Variants in NRXN3 observed in about 807,000 individuals in gnomAD.
NRXN3 encodes neurexin 3.
Under a neutral mutation model 137.6 loss-of-function variants are expected in NRXN3, and 32 were observed. The ratio of observed to expected loss-of-function variants is 0.23; its 90% confidence interval spans 0.18 to 0.31. The LOEUF (loss-of-function observed/expected upper bound fraction) is 0.31. NRXN3 is among the 10% of genes least tolerant of loss of function. The probability of loss-of-function intolerance (pLI) is 1.00; values close to 1 mark genes in which losing one functional copy is unlikely to be tolerated. For missense variants in NRXN3, 1,574 were observed against 2,062.5 expected (o/e 0.76, Z 4.59); for synonymous variants, 798 against 784.5 (o/e 1.02, Z -0.29).
At chr14:79,854,189 G>A in intron 20 of NRXN3, 3 of 976,952 alleles carry the variant, frequency 3.1e-6, no homozygotes, top group Non-Finnish European at 3.7e-6. Context: ...TTTCTTTCAT[G>A]CCAAAAAACA....
At chr14:79,445,338 CAAA>C (rs374678294) in intron 15 of NRXN3, among the ~76,000 whole-genome samples, 2 of 130,472 alleles carry the variant, frequency 1.5e-5, no homozygotes, top group Non-Finnish European at 3.3e-5. Flanking sequence ...GACCCCATCT[CAAA>C]AAAAAAAAGA....
chr14:79,678,423 A>G (rs1364993735), intron 17 of NRXN3, among the ~76,000 whole-genome samples: 2 of 152,194 alleles, frequency 1.3e-5, no homozygotes, highest in Non-Finnish European at 2.9e-5. Flanking sequence ...CCATTATTCA[A>G]TCAGACCAAG....
chr14:78,800,119 C>T (rs1262959618), intron 8 of NRXN3, among the ~76,000 whole-genome samples: 1 of 152,084 alleles, frequency 6.6e-6, no homozygotes, highest in East Asian at 1.9e-4. Flanking sequence ...CAAGAACTTC[C>T]ATCATGAAGC....
intron 4 of NRXN3, among the ~76,000 whole-genome samples, chr14:78,398,177 G>A (rs764189131): frequency 3.5e-4 from 50 of 143,382 alleles, no homozygotes; most frequent in Non-Finnish European, 5.4e-4. Flanking sequence ...TTGCACCATT[G>A]CACTCCAGCC....
intron 1 of NRXN3, among the ~76,000 whole-genome samples, chr14:78,232,268 A>G (rs904381075): frequency 1.2e-4 from 19 of 152,146 alleles, no homozygotes; most frequent in Non-Finnish European, 2.1e-4. Context: ...CAGCTCTGGC[A>G]CCTCTTGCTC....
chr14:79,709,489 G>C (rs1000776753), intron 19 of NRXN3, among the ~76,000 whole-genome samples: 1 of 152,116 alleles, frequency 6.6e-6, no homozygotes. Context: ...AAAAACATAG[G>C]TAAAATTTAA....
At chr14:78,267,653 C>T (rs1245120884) in intron 2 of NRXN3, among the ~76,000 whole-genome samples, 8 of 108,996 alleles carry the variant, frequency 7.3e-5, no homozygotes, top group Admixed American at 5.6e-4. Context: ...GACAACAAGA[C>T]ACTGTCTCTT....
intron 15 of NRXN3, among the ~76,000 whole-genome samples, chr14:79,393,502 TA>T (rs1466481389): frequency 6.6e-6 from 1 of 152,192 alleles, no homozygotes; most frequent in African/African-American, 2.4e-5. Context: ...AGAACAAATT[TA>T]ATAGACTATT....
chr14:79,270,960 C>G (rs1739686377), intron 15 of NRXN3, among the ~76,000 whole-genome samples: 1 of 152,186 alleles, frequency 6.6e-6, no homozygotes, highest in Admixed American at 6.5e-5. Context: ...ACACTTTGTA[C>G]CTTCTGTTCA....
At chr14:79,727,397 C>T (rs2098897316) in intron 19 of NRXN3, among the ~76,000 whole-genome samples, 1 of 152,000 alleles carries the variant, frequency 6.6e-6, no homozygotes, top group Admixed American at 6.6e-5. Context: ...GAAATAAATA[C>T]TTTCTCCTCT....
rs79790895 is a variant in NRXN3 at position 78,515,140 on chromosome 14, T to C, written c.758-129980T>C. 3.5e-3 allele frequency among the ~76,000 whole-genome samples: 531 copies of C among 152,154 alleles called. 1 individual carries two copies. Among genetic ancestry groups the C allele is most frequent in the African/African-American group, 0.012 (503 of 41,506 alleles). On this transcript the variant is annotated intron_variant, in intron 4 of 20. Coordinates refer to ENST00000335750, the MANE Select transcript of NRXN3 (RefSeq NM_001330195.2). ...GCTGTATTAAAGGAAAGCCAAAAGA[T>C]GAAGGGCTTTTTTAAGCAGACAGAG...
intron 16 of NRXN3, among the ~76,000 whole-genome samples, chr14:79,509,541 ATGTG>A (rs35117475): frequency 1.3e-5 from 2 of 148,740 alleles, no homozygotes; most frequent in Non-Finnish European, 3.0e-5. Flanking sequence ...TATTATATAT[ATGTG>A]TGTGTGTGTG....
At chr14:78,351,130 A>G (rs944367909) in intron 4 of NRXN3, among the ~76,000 whole-genome samples, 12 of 152,182 alleles carry the variant, frequency 7.9e-5, no homozygotes, top group African/African-American at 2.4e-4. Flanking sequence ...TATAGTACTC[A>G]CAGAAATGGT....
At chr14:79,691,307 A>T (rs1379219072) in intron 17 of NRXN3, among the ~76,000 whole-genome samples, 1 of 152,016 alleles carries the variant, frequency 6.6e-6, no homozygotes, top group African/African-American at 2.4e-5. Flanking sequence ...TTATGAATGG[A>T]TGCTTGTTCA....
At chr14:78,942,290 G>T (rs1248747776) in intron 10 of NRXN3, among the ~76,000 whole-genome samples, 1 of 151,978 alleles carries the variant, frequency 6.6e-6, no homozygotes, top group East Asian at 1.9e-4. Context: ...TTCACCCTAG[G>T]CTCACCTATA....
chr14:79,574,533 CATT>C (rs1172313569), intron 16 of NRXN3, among the ~76,000 whole-genome samples: 1 of 152,004 alleles, frequency 6.6e-6, no homozygotes, highest in Non-Finnish European at 1.5e-5. Flanking sequence ...ATTATTGTAT[CATT>C]ATTATTACTG....
At chr14:79,794,679 A>G (rs370761510) in intron 19 of NRXN3, among the ~76,000 whole-genome samples, 1 of 152,330 alleles carries the variant, frequency 6.6e-6, no homozygotes, top group African/African-American at 2.4e-5. Flanking sequence ...AAAGGAGGCC[A>G]GCTTTGGCCT....
intron 4 of NRXN3, among the ~76,000 whole-genome samples, chr14:78,637,649 G>T (rs950795635): frequency 1.3e-5 from 2 of 152,210 alleles, no homozygotes; most frequent in African/African-American, 4.8e-5. Context: ...AAGTTTCAGA[G>T]CTGGCTGCCA....
Position 78,403,873 on chromosome 14 carries a change from T to C in NRXN3, c.757+106013T>C, listed in dbSNP as rs760697352. 327 of 985,166 alleles carry C rather than the reference T, an allele frequency of 3.3e-4. 1 individual carries two copies. The highest frequency in any genetic ancestry group is 3.7e-4 in the Non-Finnish European group (307 of 829,880). The allele number at this position is 985,166 out of a possible 1,614,324, so 61.0% of individuals were successfully genotyped here. The stretch of plus-strand genomic sequence containing the variant: ...TCCTGCAGTGAAATTAACTCGAGCT[T>C]GGCAGGTAAGTCTTTCGGCTCACCT... On this transcript the variant is annotated intron_variant, in intron 4 of 20. Transcript: ENST00000335750.
Sources: allele counts gnomAD v4.1 joint callset (sites outside exome capture counted in the v4.1 genomes callset), GRCh38; gene constraint gnomAD v4.1.1; transcripts MANE v1.5; gene names NCBI Gene and HGNC (gene_info 2026-07-23, HGNC 2026-07-21).